Variants in CNTN5 observed in about 807,000 individuals in gnomAD.
CNTN5 encodes the protein contactin-5.
CNTN5 carries 77 observed loss-of-function variants against 129.1 expected under a neutral mutation model. The observed-to-expected ratio is 0.60, with a 90% confidence interval of 0.50 to 0.72. CNTN5 has a LOEUF of 0.72. Among genes scored for constraint, CNTN5 ranks in the 30% least tolerant of loss-of-function variants. The pLI is 0.00. For missense variants in CNTN5, 1,478 were observed against 1,328.8 expected (o/e 1.11, Z -1.75); for synonymous variants, 509 against 465.6 (o/e 1.09, Z -1.20).
chr11:100,148,520 C>CG (rs1417685565), intron 13 of CNTN5, among the ~76,000 whole-genome samples: 12 of 152,232 alleles, frequency 7.9e-5, no homozygotes, highest in African/African-American at 2.2e-4. Context: ...TTGTCACCCC[C>CG]CAAACCGGTG....
At chr11:100,273,944 A>G (rs1297317361) in intron 18 of CNTN5, among the ~76,000 whole-genome samples, 2 of 152,230 alleles carry the variant, frequency 1.3e-5, no homozygotes, top group Non-Finnish European at 2.9e-5. Context: ...AGAAAGCTGG[A>G]GGCAACATGT....
intron 6 of CNTN5, among the ~76,000 whole-genome samples, chr11:99,884,055 G>C (rs75674040): frequency 0.071 from 10,795 of 152,196 alleles, 510 homozygotes; most frequent in Admixed American, 0.14. Flanking sequence ...GAAGGTAGCT[G>C]TAACGGCCCC....
intron 20 of CNTN5, among the ~76,000 whole-genome samples, chr11:100,300,792 C>A (rs1951201057): frequency 6.6e-6 from 1 of 151,438 alleles, no homozygotes. Flanking sequence ...TGATGAGATA[C>A]CAATTGCACT....
At chr11:100,040,177 T>A (rs1942286102) in intron 9 of CNTN5, among the ~76,000 whole-genome samples, 1 of 152,200 alleles carries the variant, frequency 6.6e-6, no homozygotes, top group South Asian at 2.1e-4. Context: ...TTGTTAGTTT[T>A]CCTTCTAACA....
chr11:100,026,039 T>C (rs1357066778), intron 9 of CNTN5, among the ~76,000 whole-genome samples: 4 of 152,154 alleles, frequency 2.6e-5, no homozygotes, highest in Non-Finnish European at 4.4e-5. Context: ...AAGAATGATA[T>C]GTTTAGGGTT....
At chr11:99,034,329 G>C (rs1319528753) in intron 1 of CNTN5, among the ~76,000 whole-genome samples, 1 of 151,948 alleles carries the variant, frequency 6.6e-6, no homozygotes, top group South Asian at 2.1e-4. Flanking sequence ...GATTGGAATA[G>C]TTTCAGAAGG....
At chr11:99,515,503 G>T (rs112496312) in intron 2 of CNTN5, among the ~76,000 whole-genome samples, 2 of 151,940 alleles carry the variant, frequency 1.3e-5, no homozygotes, top group African/African-American at 2.4e-5. Context: ...TTTCATGCCT[G>T]CGTTGAGATT....
intron 13 of CNTN5, among the ~76,000 whole-genome samples, chr11:100,122,066 G>T (rs1946042781): frequency 6.6e-6 from 1 of 151,952 alleles, no homozygotes; most frequent in Admixed American, 6.6e-5. Flanking sequence ...AAATTATGGA[G>T]TCTGAGAAGT....
chr11:99,193,692 G>GA lies in CNTN5; in HGVS notation c.-209-131648dup, dbSNP rs755952205. ...ATTTACAATGCTCAAATCCTGAGAT[G>GA]AAAAAACAACCCATGGGCAACCCAG... is the stretch of plus-strand genomic sequence containing the variant. On this transcript the variant is annotated intron_variant, in intron 1 of 24. Coordinates refer to ENST00000524871, the MANE Select transcript of CNTN5 (RefSeq NM_014361.4). 8.5e-5 allele frequency among the ~76,000 whole-genome samples: 13 copies of GA among 152,220 alleles called. No individual in the cohort carries two copies. The East Asian group carries it at 9.7e-4, about 11-fold the overall frequency.
intron 16 of CNTN5, among the ~76,000 whole-genome samples, chr11:100,243,982 G>A (rs780743575): frequency 1.3e-5 from 2 of 152,004 alleles, no homozygotes; most frequent in Non-Finnish European, 2.9e-5. Flanking sequence ...ATTTATCCAA[G>A]TATGAAATTT....
At chr11:100,314,020 G>C (rs1318083554) in intron 21 of CNTN5, among the ~76,000 whole-genome samples, 1 of 152,098 alleles carries the variant, frequency 6.6e-6, no homozygotes. Context: ...TTGTCAATTA[G>C]TAACTTCAAG....
intron 1 of CNTN5, among the ~76,000 whole-genome samples, chr11:99,160,719 C>T (rs1018575735): frequency 1.3e-5 from 2 of 152,100 alleles, no homozygotes; most frequent in South Asian, 2.1e-4. Context: ...GGAACACTTA[C>T]TTTGAAGCAC....
At chr11:99,191,536 G>A (rs939662293) in intron 1 of CNTN5, among the ~76,000 whole-genome samples, 6 of 151,712 alleles carry the variant, frequency 4.0e-5, no homozygotes, top group African/African-American at 9.7e-5. Flanking sequence ...AGTGCGCACA[G>A]AACATTCTCC....
At chr11:99,409,487 A>G (rs1399942767) in intron 2 of CNTN5, among the ~76,000 whole-genome samples, 1 of 152,226 alleles carries the variant, frequency 6.6e-6, no homozygotes, top group Non-Finnish European at 1.5e-5. Context: ...AAAAAAATAA[A>G]TAAATAAAGG....
intron 3 of CNTN5, among the ~76,000 whole-genome samples, chr11:99,782,004 A>G (rs4397808): frequency 0.27 from 39,535 of 148,482 alleles, 5,639 homozygotes; most frequent in East Asian, 0.45. Flanking sequence ...AGGAAATAAA[A>G]GGTATTCAAT....
At chr11:99,497,545 A>G (rs763811857) in intron 2 of CNTN5, among the ~76,000 whole-genome samples, 2 of 152,188 alleles carry the variant, frequency 1.3e-5, no homozygotes, top group African/African-American at 2.4e-5. Flanking sequence ...ATGGGCCAGG[A>G]CAACTAAACA....
intron 3 of CNTN5, among the ~76,000 whole-genome samples, chr11:99,654,925 T>A (rs1209312749): frequency 1.3e-5 from 2 of 152,056 alleles, no homozygotes; most frequent in Non-Finnish European, 2.9e-5. Flanking sequence ...TGTCCCTGAA[T>A]GAGGAGATGG....
intron 3 of CNTN5, among the ~76,000 whole-genome samples, chr11:99,810,712 G>C (rs1591229710): frequency 6.6e-6 from 1 of 152,090 alleles, no homozygotes; most frequent in South Asian, 2.1e-4. Context: ...ATCCTTGCAA[G>C]CTTCATAAAA....
chr11:100,128,577 G>T (rs1338115390), intron 13 of CNTN5, among the ~76,000 whole-genome samples: 1 of 152,048 alleles, frequency 6.6e-6, no homozygotes, highest in African/African-American at 2.4e-5. Flanking sequence ...ACCTTTACAA[G>T]CAAAACAGGG....
Sources: gnomAD v4.1 joint callset for allele counts (sites outside exome capture counted in the v4.1 genomes callset) on GRCh38, gnomAD v4.1.1 for gene constraint, MANE v1.5 for transcripts, NCBI Gene and HGNC (gene_info 2026-07-23, HGNC 2026-07-21) for gene names.